Variants in NKAIN2 observed in about 807,000 individuals in gnomAD.
NKAIN2 encodes the protein sodium/potassium transporting ATPase interacting 2.
In NKAIN2, 14 loss-of-function variants were observed where a neutral mutation model predicts 32.6. The ratio of observed to expected loss-of-function variants is 0.43; its 90% confidence interval spans 0.28 to 0.67. The LOEUF is 0.67. Among genes scored for constraint, NKAIN2 ranks in the 30% least tolerant of loss-of-function variants. NKAIN2 has a pLI of 0.17. For missense variants in NKAIN2, 198 were observed against 258.3 expected (o/e 0.77, Z 1.60); for synonymous variants, 80 against 87.2 (o/e 0.92, Z 0.46).
At chr6:124,204,481 G>A (rs191587192) in intron 1 of NKAIN2, among the ~76,000 whole-genome samples, 80 of 151,762 alleles carry the variant, frequency 5.3e-4, no homozygotes, top group African/African-American at 1.9e-3. Flanking sequence ...ATTTGAAATC[G>A]TAGGCCCAGA....
intron 1 of NKAIN2, among the ~76,000 whole-genome samples, chr6:124,186,735 G>A (rs1402611740): frequency 6.6e-6 from 1 of 152,122 alleles, no homozygotes; most frequent in East Asian, 1.9e-4. Flanking sequence ...GCCTACTGTG[G>A]AAAATGTCCA....
In NKAIN2 at chr6:124,066,487, G is replaced by A. The variant is rs972953753; in HGVS notation, c.55-216518G>A. ...CTTACCTAGAGTGCACTTCCAGAAG[G>A]CACTATAGAGTTATTGGAAAAGAGT... On this transcript the variant is annotated intron_variant, in intron 1 of 6. Transcript: ENST00000368417. Among the ~76,000 whole-genome samples the A allele has an allele frequency of 1.2e-4, 18 of 152,112 alleles. No individual in the cohort carries two copies. In the East Asian group the frequency reaches 1.5e-3, roughly 13 times the overall value.
At chr6:123,820,822 A>G (rs1315454213) in intron 1 of NKAIN2, among the ~76,000 whole-genome samples, 1 of 152,242 alleles carries the variant, frequency 6.6e-6, no homozygotes, top group African/African-American at 2.4e-5. Flanking sequence ...TTTAAAGCCT[A>G]TAGGAAAATG....
intron 1 of NKAIN2, among the ~76,000 whole-genome samples, chr6:123,834,961 T>C (rs1393737912): frequency 6.6e-6 from 1 of 152,194 alleles, no homozygotes; most frequent in African/African-American, 2.4e-5. Flanking sequence ...TTGTTGGATT[T>C]GATTTGCTAC....
chr6:124,117,524 T>C (rs1008053124), intron 1 of NKAIN2, among the ~76,000 whole-genome samples: 2 of 152,176 alleles, frequency 1.3e-5, no homozygotes, highest in African/African-American at 4.8e-5. Flanking sequence ...TTATTTTGCA[T>C]TGTCATATAA....
intron 3 of NKAIN2, among the ~76,000 whole-genome samples, chr6:124,602,291 A>G (rs1333159709): frequency 6.6e-6 from 1 of 151,900 alleles, no homozygotes; most frequent in Non-Finnish European, 1.5e-5. Flanking sequence ...AAGTGTGAAG[A>G]CTAACTCATC....
chr6:124,487,013 C>G (rs1562215587), intron 3 of NKAIN2, among the ~76,000 whole-genome samples: 1 of 152,040 alleles, frequency 6.6e-6, no homozygotes, highest in Non-Finnish European at 1.5e-5. Context: ...CCAGGCACCT[C>G]CAAGTAGATT....
intron 1 of NKAIN2, among the ~76,000 whole-genome samples, chr6:124,098,902 A>G (rs1437936413): frequency 2.0e-5 from 3 of 151,988 alleles, no homozygotes; most frequent in East Asian, 1.9e-4. Context: ...ATAATTAAAT[A>G]ACAAAGTGTG....
intron 3 of NKAIN2, among the ~76,000 whole-genome samples, chr6:124,531,441 A>C (rs1779521347): frequency 6.6e-6 from 1 of 152,128 alleles, no homozygotes. Context: ...TATTTAATTC[A>C]GTTTGGTAAT....
intron 3 of NKAIN2, among the ~76,000 whole-genome samples, chr6:124,382,401 G>A (rs866019342): frequency 3.9e-5 from 6 of 152,076 alleles, no homozygotes; most frequent in African/African-American, 1.4e-4. Context: ...AAACAAATGC[G>A]AGCTAAAACT....
chr6:124,653,012 C>A (rs1302256529), intron 3 of NKAIN2, among the ~76,000 whole-genome samples: 1 of 152,078 alleles, frequency 6.6e-6, no homozygotes, highest in East Asian at 1.9e-4. Flanking sequence ...TAAAAGGAAT[C>A]AAATAAATAA....
intron 2 of NKAIN2, among the ~76,000 whole-genome samples, chr6:124,300,491 T>A (rs1208356125): frequency 6.6e-6 from 1 of 152,146 alleles, no homozygotes; most frequent in Non-Finnish European, 1.5e-5. Context: ...ACCAGTAAAG[T>A]GGGATGCTGC....
At chr6:124,132,436 C>T (rs1033530222) in intron 1 of NKAIN2, among the ~76,000 whole-genome samples, 1 of 152,224 alleles carries the variant, frequency 6.6e-6, no homozygotes, top group African/African-American at 2.4e-5. Context: ...AACCTCAAAT[C>T]CCACTGCTAA....
intron 4 of NKAIN2, among the ~76,000 whole-genome samples, chr6:124,667,922 G>T (rs1772887037): frequency 6.6e-6 from 1 of 152,006 alleles, no homozygotes; most frequent in South Asian, 2.1e-4. Flanking sequence ...TTATAAATAG[G>T]ATCGAAAACT....
chr6:124,176,738 GAAT>G (rs1789176327), intron 1 of NKAIN2, among the ~76,000 whole-genome samples: 1 of 151,916 alleles, frequency 6.6e-6, no homozygotes, highest in Admixed American at 6.6e-5. Context: ...AGATATGATA[GAAT>G]AAAAATGATA....
At chr6:124,255,485 A>C (rs1793884865) in intron 1 of NKAIN2, among the ~76,000 whole-genome samples, 1 of 152,226 alleles carries the variant, frequency 6.6e-6, no homozygotes, top group Non-Finnish European at 1.5e-5. Context: ...TTATGCTGGT[A>C]GTTTGAATGA....
At chr6:124,714,545 A>G (rs1775658473) in intron 4 of NKAIN2, among the ~76,000 whole-genome samples, 1 of 152,176 alleles carries the variant, frequency 6.6e-6, no homozygotes, top group African/African-American at 2.4e-5. Context: ...GGAAAACAAC[A>G]TTTGTGTGTG....
chr6:124,750,172 G>A (rs2050649), intron 4 of NKAIN2, among the ~76,000 whole-genome samples: 149,353 of 151,932 alleles, frequency 0.98, 73,447 homozygotes, highest in East Asian at 1. Context: ...ACATGAAAGC[G>A]TATAACACAA....
At chr6:124,232,294 A>G (rs1792501564) in intron 1 of NKAIN2, among the ~76,000 whole-genome samples, 1 of 152,148 alleles carries the variant, frequency 6.6e-6, no homozygotes, top group Non-Finnish European at 1.5e-5. Context: ...AAATTACTTG[A>G]TTAGAAAAGG....
Sources: allele counts gnomAD v4.1 joint callset (sites outside exome capture counted in the v4.1 genomes callset), GRCh38; gene constraint gnomAD v4.1.1; transcripts MANE v1.5; gene names NCBI Gene and HGNC (gene_info 2026-07-23, HGNC 2026-07-21).